The following PDE11A variants were observed in gnomAD, a reference collection of about 807,000 sequenced individuals.
The protein encoded by PDE11A is dual 3',5'-cyclic-AMP and -GMP phosphodiesterase 11A.
In PDE11A, 100 loss-of-function variants were observed where a neutral mutation model predicts 100.5. The observed-to-expected ratio is 1.00, with a 90% confidence interval of 0.85 to 1.18. PDE11A has a LOEUF of 1.18. Among genes scored for constraint, PDE11A ranks in the 50% most tolerant of loss-of-function variants. PDE11A has a pLI of 0.00. For missense variants in PDE11A, 1,141 were observed against 1,152.6 expected (o/e 0.99, Z 0.15); for synonymous variants, 381 against 420.8 (o/e 0.91, Z 1.16).
intron 2 of PDE11A, among the ~76,000 whole-genome samples, chr2:177,931,347 T>C (rs745550035): frequency 3.9e-5 from 6 of 152,198 alleles, no homozygotes; most frequent in Non-Finnish European, 8.8e-5. Flanking sequence ...AATTAACATA[T>C]GCATTCTCCC....
intron 9 of PDE11A, among the ~76,000 whole-genome samples, chr2:177,797,425 A>G (rs947909896): frequency 5.9e-5 from 9 of 152,214 alleles, no homozygotes; most frequent in African/African-American, 2.2e-4. Flanking sequence ...TGTGTACTCC[A>G]TGCTGTTTTG....
intron 2 of PDE11A, among the ~76,000 whole-genome samples, chr2:177,984,976 C>A (rs772173533): frequency 2.6e-5 from 4 of 152,216 alleles, no homozygotes; most frequent in African/African-American, 4.8e-5. Flanking sequence ...CATTCTGTGT[C>A]TCTATGTAGT....
Position 178,033,235 on chromosome 2 carries a change from G to A in PDE11A, c.913-18775C>T, listed in dbSNP as rs757266903. On this transcript the variant is annotated intron_variant, in intron 1 of 19. Coordinates refer to ENST00000286063, the MANE Select transcript of PDE11A (RefSeq NM_016953.4). The stretch of plus-strand genomic sequence containing the variant: ...CTATTGGAGCTGAAAAACACAGCAC[G>A]AGAACTTCCTGTAGCATACACAAGT... Among the ~76,000 whole-genome samples, 7 of 152,142 alleles carry A rather than the reference G, an allele frequency of 4.6e-5. No individual in the cohort carries two copies. In the South Asian group the frequency reaches 6.2e-4, roughly 14 times the overall value.
intron 6 of PDE11A, among the ~76,000 whole-genome samples, chr2:177,837,479 T>TC (rs1179135164): frequency 6.7e-6 from 1 of 149,966 alleles, no homozygotes; most frequent in African/African-American, 2.4e-5. Flanking sequence ...TTTCTTTCTT[T>TC]TTTTTTTTTT....
At chr2:177,910,833 C>T (rs1194387504) in intron 2 of PDE11A, among the ~76,000 whole-genome samples, 5 of 152,184 alleles carry the variant, frequency 3.3e-5, no homozygotes, top group East Asian at 1.9e-4. Flanking sequence ...CCTTTTCAAA[C>T]TTGCAAGCCA....
chr2:177,711,153 C>T (rs1309056093), intron 13 of PDE11A, among the ~76,000 whole-genome samples: 1 of 152,236 alleles, frequency 6.6e-6, no homozygotes, highest in Non-Finnish European at 1.5e-5. Flanking sequence ...GGAAAACCTG[C>T]TTAGGGACAG....
intron 18 of PDE11A, among the ~76,000 whole-genome samples, chr2:177,667,448 A>G (rs1317945): frequency 0.78 from 117,971 of 152,138 alleles, 47,514 homozygotes; most frequent in East Asian, 0.98. Flanking sequence ...TAGGGAGCCA[A>G]CTTCATTCTT....
At chr2:177,637,151 C>A (rs2080050980) in intron 19 of PDE11A, among the ~76,000 whole-genome samples, 1 of 152,240 alleles carries the variant, frequency 6.6e-6, no homozygotes. Context: ...ATCTCCACAG[C>A]AGTCCCACGA....
chr2:178,007,872 A>G (rs2086230571), intron 2 of PDE11A, among the ~76,000 whole-genome samples: 2 of 151,610 alleles, frequency 1.3e-5, no homozygotes, highest in African/African-American at 4.8e-5. Context: ...AACTGGCTAA[A>G]TTTTTTTTGT....
chr2:177,951,872 GCAAA>G (rs2085508777), intron 2 of PDE11A, among the ~76,000 whole-genome samples: 1 of 152,034 alleles, frequency 6.6e-6, no homozygotes. Context: ...TATTTTCTTT[GCAAA>G]CATTCTTAGA....
At chr2:177,839,489 C>T (rs985588334) in intron 6 of PDE11A, among the ~76,000 whole-genome samples, 1 of 152,160 alleles carries the variant, frequency 6.6e-6, no homozygotes, top group African/African-American at 2.4e-5. Context: ...TCTTAACATG[C>T]CTTTCAAAGT....
intron 10 of PDE11A, among the ~76,000 whole-genome samples, chr2:177,744,849 G>C (rs1376510340): frequency 6.6e-6 from 1 of 152,118 alleles, no homozygotes; most frequent in African/African-American, 2.4e-5. Context: ...TTTATCATAC[G>C]GTTTTGCTAG....
intron 19 of PDE11A, among the ~76,000 whole-genome samples, chr2:177,649,600 T>A (rs1040384200): frequency 1.3e-5 from 2 of 152,230 alleles, no homozygotes; most frequent in African/African-American, 4.8e-5. Context: ...GAGCATAGTA[T>A]ATATAGATGC....
chr2:178,104,632 G>A (rs1329423496), intron 1 of PDE11A, among the ~76,000 whole-genome samples: 3 of 152,164 alleles, frequency 2.0e-5, no homozygotes, highest in African/African-American at 7.2e-5. Context: ...TAATGTATGA[G>A]TGCTCAAAAA....
At chr2:177,937,810 C>T (rs140550846) in intron 2 of PDE11A, among the ~76,000 whole-genome samples, 1 of 152,290 alleles carries the variant, frequency 6.6e-6, no homozygotes, top group African/African-American at 2.4e-5. Flanking sequence ...TCACTCAATA[C>T]AAGGGGCACT....
intron 9 of PDE11A, among the ~76,000 whole-genome samples, chr2:177,815,532 T>TA (rs2083024189): frequency 6.6e-6 from 1 of 152,086 alleles, no homozygotes; most frequent in African/African-American, 2.4e-5. Context: ...AAAGCATCCC[T>TA]TGCCAAGGTA....
chr2:178,103,908 A>C (rs1190841389), intron 2 of PDE11A, among the ~76,000 whole-genome samples: 1 of 152,108 alleles, frequency 6.6e-6, no homozygotes, highest in Non-Finnish European at 1.5e-5. Context: ...TCCCACAAAC[A>C]AAAAAACATG....
intron 2 of PDE11A, among the ~76,000 whole-genome samples, chr2:178,083,536 T>C (rs2087312953): frequency 2.6e-5 from 4 of 152,332 alleles, no homozygotes; most frequent in Admixed American, 1.3e-4. Context: ...GAACTGGCTA[T>C]GTTGGTTTCC....
chr2:177,844,176 C>T (rs956606512), intron 5 of PDE11A, among the ~76,000 whole-genome samples: 1 of 152,138 alleles, frequency 6.6e-6, no homozygotes, highest in African/African-American at 2.4e-5. Flanking sequence ...GACTTATAAA[C>T]AACAAATATT....
Sources: gnomAD v4.1 joint callset for allele counts (sites outside exome capture counted in the v4.1 genomes callset) on GRCh38, gnomAD v4.1.1 for gene constraint, MANE v1.5 for transcripts, NCBI Gene and HGNC (gene_info 2026-07-23, HGNC 2026-07-21) for gene names.